ANO3: variants seen among roughly 807,000 people sequenced by gnomAD.
ANO3 encodes the protein anoctamin 3, also known as anoctamin-3.
A neutral mutation model predicts 144.8 loss-of-function variants in ANO3; 99 were observed. That is an observed-to-expected ratio of 0.68 (90% CI 0.58 to 0.81). The LOEUF (loss-of-function observed/expected upper bound fraction) is 0.81, where lower values mean the gene tolerates loss of function less well. ANO3 is among the 30% of genes least tolerant of loss of function. ANO3 has a pLI of 0.00. For synonymous variants in ANO3, 414 were observed against 392.6 expected, an observed-to-expected ratio of 1.05 and a Z score of -0.64; for missense variants, 905 against 1,202.2, an observed-to-expected ratio of 0.75 and a Z score of 3.66.
chr11:26,656,337 A>C lies in ANO3; in HGVS notation c.2658-39A>C, dbSNP rs545555590. On this transcript the variant is annotated intron_variant, in intron 25 of 26. Transcript: ENST00000256737. ...AGAAAATTTGGGCCTCCACTCTTTG[A>C]TCTCTATTTGTCATTCTCTTTGTTT... is the stretch of plus-strand genomic sequence containing the variant. 4.0e-6 allele frequency: 6 copies of C among 1,504,690 alleles called. No homozygotes were observed. In the South Asian group the frequency reaches 5.7e-5, roughly 14 times the overall value. 93.2% of individuals were successfully genotyped at this position (1,504,690 alleles called of 1,614,324 possible). A position where few individuals can be genotyped will look rare whatever the true frequency, so the allele number is the denominator to read the frequency against.
At chr11:26,589,818 A>G (rs1464500691) in intron 14 of ANO3, among the ~76,000 whole-genome samples, 1 of 152,222 alleles carries the variant, frequency 6.6e-6, no homozygotes, top group African/African-American at 2.4e-5. Context: ...CATTCCATGC[A>G]TGGGTGCATA....
chr11:26,320,511 T>C (rs1308877793), intron 1 of ANO3, among the ~76,000 whole-genome samples: 2 of 152,220 alleles, frequency 1.3e-5, no homozygotes, highest in African/African-American at 4.8e-5. Flanking sequence ...GAAAGTAATC[T>C]AGATCTTCGT....
At chr11:26,518,963 A>G (rs1861964218) in intron 6 of ANO3, among the ~76,000 whole-genome samples, 1 of 152,150 alleles carries the variant, frequency 6.6e-6, no homozygotes, top group East Asian at 1.9e-4. Context: ...ATTTGACTGC[A>G]TTAATGTAAA....
At chr11:26,551,341 CT>C (rs368549496) in intron 12 of ANO3, among the ~76,000 whole-genome samples, 37 of 150,104 alleles carry the variant, frequency 2.5e-4, no homozygotes, top group African/African-American at 6.1e-4. Flanking sequence ...TTGTCAAGCA[CT>C]GCAAAAGAAA....
At chr11:26,366,330 T>A (rs1856083405) in intron 1 of ANO3, among the ~76,000 whole-genome samples, 1 of 152,174 alleles carries the variant, frequency 6.6e-6, no homozygotes, top group Non-Finnish European at 1.5e-5. Flanking sequence ...GAACTCATCA[T>A]TTTTTATGGC....
intron 23 of ANO3, among the ~76,000 whole-genome samples, chr11:26,646,569 A>G (rs1853351772): frequency 6.6e-6 from 1 of 152,090 alleles, no homozygotes; most frequent in Non-Finnish European, 1.5e-5. Flanking sequence ...AAGACTTTCA[A>G]ATCTTTGTCA....
upstream of ANO3, among the ~76,000 whole-genome samples, chr11:26,307,753 A>ATAATAATAATAT: frequency 6.7e-6 from 1 of 148,578 alleles, no homozygotes; most frequent in Non-Finnish European, 1.5e-5. Flanking sequence ...AATAATAATA[A>ATAATAATAATAT]TAATAACAAT....
chr11:26,205,613 T>C lies in ANO3; in HGVS notation c.154+16283T>C, dbSNP rs546075963. ...TCACTCTATTCTAGCAGTCACCTTATTCCAGAAGGTTCCTCCGAAAACCTG... is the reference window on the plus strand; with the variant it reads ...TCACTCTATTCTAGCAGTCACCTTACTCCAGAAGGTTCCTCCGAAAACCTG... On this transcript the variant is annotated intron_variant, in intron 1 of 27. Coordinates refer to the ANO3 transcript ENST00000672621. Among the ~76,000 whole-genome samples the C allele has an allele frequency of 3.9e-5, 6 of 152,300 alleles. No homozygotes were observed. In the South Asian group the frequency reaches 1.2e-3, roughly 32 times the overall value.
At chr11:26,314,993 T>C (rs1420398341) in intron 1 of ANO3, among the ~76,000 whole-genome samples, 1 of 152,194 alleles carries the variant, frequency 6.6e-6, no homozygotes, top group East Asian at 1.9e-4. Flanking sequence ...TATATTGTTA[T>C]TGCTGGGTTT....
At chr11:26,315,675 A>ATCTG (rs147771823) in intron 1 of ANO3, among the ~76,000 whole-genome samples, 1 of 143,554 alleles carries the variant, frequency 7.0e-6, no homozygotes, top group Non-Finnish European at 1.5e-5. Context: ...CTATCTATCT[A>ATCTG]TCTATCTATC....
intron 1 of ANO3, among the ~76,000 whole-genome samples, chr11:26,300,581 G>A (rs1854203660): frequency 6.6e-6 from 1 of 152,108 alleles, no homozygotes; most frequent in South Asian, 2.1e-4. Context: ...GGAGACTAAG[G>A]ACCAGATAAA....
intron 1 of ANO3, among the ~76,000 whole-genome samples, chr11:26,247,323 G>T (rs150894797): frequency 5.3e-5 from 8 of 152,256 alleles, no homozygotes; most frequent in Admixed American, 2.0e-4. Flanking sequence ...GTCTCACAAC[G>T]TGCTATAATA....
At chr11:26,295,141 C>T (rs1016170772) in intron 1 of ANO3, among the ~76,000 whole-genome samples, 5 of 152,006 alleles carry the variant, frequency 3.3e-5, no homozygotes, top group Non-Finnish European at 7.4e-5. Context: ...GTCTCAATCT[C>T]CTGACCTCGT....
intron 3 of ANO3, among the ~76,000 whole-genome samples, chr11:26,448,337 C>G (rs1202596427): frequency 6.6e-6 from 1 of 151,194 alleles, no homozygotes; most frequent in Non-Finnish European, 1.5e-5. Flanking sequence ...TTAGGGCTCA[C>G]TAAGACCAGC....
chr11:26,282,376 G>C (rs1043646100), intron 1 of ANO3, among the ~76,000 whole-genome samples: 3 of 150,596 alleles, frequency 2.0e-5, no homozygotes, highest in Non-Finnish European at 4.4e-5. Flanking sequence ...TTGGTTGTTA[G>C]GAAACTCAGA....
chr11:26,399,867 A>C (rs1487372334), intron 1 of ANO3, among the ~76,000 whole-genome samples: 1 of 151,984 alleles, frequency 6.6e-6, no homozygotes, highest in Non-Finnish European at 1.5e-5. Context: ...CACGGTATAG[A>C]CTGCCTTCCT....
At position 26,600,723 on chromosome 11, in the gene ANO3, G is replaced by GT. The variant is rs533929797; in HGVS notation, c.1836+1015dup. ...GCTCTATTCTATCAGGAAGATAACT[G>GT]TTTTTTGCCTAACTATACCATTTTG... On this transcript the variant is annotated intron_variant, in intron 17 of 26. Transcript: ENST00000256737. 8.0e-5 allele frequency among the ~76,000 whole-genome samples: 12 copies of GT among 149,168 alleles called. No homozygotes were observed. The South Asian group carries it at 2.6e-3, about 32-fold the overall frequency.
At chr11:26,272,995 A>T (rs1183043126) in intron 1 of ANO3, among the ~76,000 whole-genome samples, 3 of 152,136 alleles carry the variant, frequency 2.0e-5, no homozygotes, top group African/African-American at 7.2e-5. Flanking sequence ...AAGCATGTTC[A>T]TATTTAAGTA....
intron 23 of ANO3, among the ~76,000 whole-genome samples, chr11:26,647,097 T>G (rs993255343): frequency 2.0e-5 from 3 of 152,174 alleles, no homozygotes; most frequent in Non-Finnish European, 2.9e-5. Context: ...TTAATCCCAC[T>G]GAAAACATTA....
Sources: allele counts gnomAD v4.1 joint callset (sites outside exome capture counted in the v4.1 genomes callset), GRCh38; gene constraint gnomAD v4.1.1; transcripts MANE v1.5; gene names NCBI Gene and HGNC (gene_info 2026-07-23, HGNC 2026-07-21).